SPIRE1: variants seen among roughly 807,000 people sequenced by gnomAD.
The protein encoded by SPIRE1 is spire type actin nucleation factor 1, also known as protein spire homolog 1.
In SPIRE1, 40 loss-of-function variants were observed where a neutral mutation model predicts 94.1. That is an observed-to-expected ratio of 0.43 (90% CI 0.33 to 0.55). The LOEUF is 0.55. Ranked by LOEUF, SPIRE1 falls within the 20% of genes least tolerant of loss-of-function variation. The pLI is 0.06. For synonymous variants in SPIRE1, 376 were observed against 371.7 expected (o/e 1.01, Z -0.13); for missense variants, 838 against 975.2 (o/e 0.86, Z 1.87).
intron 6 of SPIRE1, among the ~76,000 whole-genome samples, chr18:12,503,668 A>G (rs1257189715): frequency 2.6e-5 from 3 of 116,770 alleles, no homozygotes; most frequent in Non-Finnish European, 3.8e-5. Flanking sequence ...AAATACTGGA[A>G]GCTTTGAGAG....
At chr18:12,554,419 C>T (rs2035442875) in intron 2 of SPIRE1, among the ~76,000 whole-genome samples, 2 of 151,784 alleles carry the variant, frequency 1.3e-5, no homozygotes, top group South Asian at 4.1e-4. Flanking sequence ...TTCTTAGACA[C>T]ATACAACCTA....
chr18:12,587,153 T>C (rs1473209261), intron 2 of SPIRE1, among the ~76,000 whole-genome samples: 2 of 152,196 alleles, frequency 1.3e-5, no homozygotes, highest in African/African-American at 2.4e-5. Context: ...AATGAACAGG[T>C]AGAGCCACTA....
intron 2 of SPIRE1, among the ~76,000 whole-genome samples, chr18:12,627,692 A>G (rs541466287): frequency 1.9e-4 from 29 of 152,242 alleles, no homozygotes; most frequent in Non-Finnish European, 3.1e-4. Flanking sequence ...AAGCGTTCCT[A>G]TTTCTCCACA....
At chr18:12,572,834 G>A (rs2035991117) in intron 2 of SPIRE1, among the ~76,000 whole-genome samples, 1 of 152,146 alleles carries the variant, frequency 6.6e-6, no homozygotes, top group African/African-American at 2.4e-5. Context: ...ATATGAACAA[G>A]TAAAAATATG....
chr18:12,601,641 G>A (rs1206327202), intron 2 of SPIRE1, among the ~76,000 whole-genome samples: 1 of 152,008 alleles, frequency 6.6e-6, no homozygotes, highest in Non-Finnish European at 1.5e-5. Flanking sequence ...CTCCTCTTCT[G>A]ACCCCCAGCT....
chr18:12,530,280 A>G (rs1010982508), intron 4 of SPIRE1, among the ~76,000 whole-genome samples: 2 of 152,252 alleles, frequency 1.3e-5, no homozygotes, highest in African/African-American at 4.8e-5. Context: ...TGTTGAATAA[A>G]TAGAACAAAA....
intron 10 of SPIRE1, among the ~76,000 whole-genome samples, chr18:12,477,892 C>T (rs906068377): frequency 2.6e-5 from 4 of 151,936 alleles, no homozygotes; most frequent in African/African-American, 7.3e-5. Context: ...TGTCTGCAGG[C>T]GTGTGATCAG....
At chr18:12,535,937 A>G (rs1286269369) in intron 3 of SPIRE1, among the ~76,000 whole-genome samples, 1 of 152,222 alleles carries the variant, frequency 6.6e-6, no homozygotes, top group Non-Finnish European at 1.5e-5. Flanking sequence ...CATGGGTGAC[A>G]GAGTGAGACT....
chr18:12,586,040 T>C (rs1449978948), intron 2 of SPIRE1, among the ~76,000 whole-genome samples: 2 of 152,184 alleles, frequency 1.3e-5, no homozygotes, highest in African/African-American at 4.8e-5. Context: ...AACCTCAAAC[T>C]CCTGGGCTCA....
chr18:12,478,386 G>A (rs927309737), intron 10 of SPIRE1, among the ~76,000 whole-genome samples: 2 of 151,454 alleles, frequency 1.3e-5, no homozygotes, highest in African/African-American at 4.9e-5. Flanking sequence ...GAGTGTGTGT[G>A]TGCGCATGTG....
chr18:12,558,828 C>A (rs2035598267), intron 2 of SPIRE1, among the ~76,000 whole-genome samples: 2 of 152,054 alleles, frequency 1.3e-5, no homozygotes, highest in Non-Finnish European at 1.5e-5. Context: ...TCTCCAAGTC[C>A]CCACCAGATT....
chr18:12,592,483 T>TA (rs1454458982), intron 2 of SPIRE1, among the ~76,000 whole-genome samples: 1 of 152,148 alleles, frequency 6.6e-6, no homozygotes, highest in African/African-American at 2.4e-5. Context: ...CTTTGTTTTA[T>TA]AAAAAGGAAG....
chr18:12,608,773 A>G (rs2037057294), intron 2 of SPIRE1, among the ~76,000 whole-genome samples: 1 of 152,234 alleles, frequency 6.6e-6, no homozygotes, highest in African/African-American at 2.4e-5. Flanking sequence ...CTTTTGTTCT[A>G]CTTATTCTCT....
rs543564315 is a variant in SPIRE1 at position 12,572,013 on chromosome 18, A to G, written c.373-25109T>C. Among the ~76,000 whole-genome samples the G allele has an allele frequency of 2.3e-3, 358 of 152,384 alleles. 3 individuals carry two copies. The highest frequency in any genetic ancestry group is 0.014 in the South Asian group (69 of 4,832). On this transcript the variant is annotated intron_variant, in intron 2 of 16. Coordinates refer to ENST00000409402, the MANE Select transcript of SPIRE1 (RefSeq NM_001128626.2). ...CTCACTAAGAGAGTAAAGTTTAAAC[A>G]GACACCTGAAAGATCAGTAGGAGTT...
At chr18:12,597,412 T>A (rs766352022) in intron 2 of SPIRE1, among the ~76,000 whole-genome samples, 4 of 152,040 alleles carry the variant, frequency 2.6e-5, no homozygotes, top group Non-Finnish European at 4.4e-5. Flanking sequence ...TTATTCTGTG[T>A]GGGCAAGCAT....
At chr18:12,611,674 T>A (rs2037145220) in intron 2 of SPIRE1, among the ~76,000 whole-genome samples, 1 of 152,226 alleles carries the variant, frequency 6.6e-6, no homozygotes, top group Admixed American at 6.5e-5. Context: ...ACTTTGTTTT[T>A]GTTTTTTGAG....
At chr18:12,615,345 A>AAAAAAAAAAAATAT in intron 2 of SPIRE1, among the ~76,000 whole-genome samples, 12 of 17,236 alleles carry the variant, frequency 7.0e-4, no homozygotes, top group African/African-American at 9.5e-4. Flanking sequence ...AAAAAAAAAA[A>AAAAAAAAAAAATAT]ATATATATAT....
chr18:12,463,284 A>G (rs2031945460), intron 12 of SPIRE1, 67 bp downstream of exon 12: 4 of 1,410,808 alleles, frequency 2.8e-6, no homozygotes. Context: ...CATCTTCATA[A>G]GAAAGCTAAT....
intron 2 of SPIRE1, among the ~76,000 whole-genome samples, chr18:12,630,176 T>G (rs1222452904): frequency 2.6e-5 from 4 of 152,212 alleles, no homozygotes; most frequent in African/African-American, 9.6e-5. Flanking sequence ...TGTTCTCTAT[T>G]TCAATTCTAT....
Sources: gnomAD v4.1 joint callset for allele counts (sites outside exome capture counted in the v4.1 genomes callset) on GRCh38, gnomAD v4.1.1 for gene constraint, MANE v1.5 for transcripts, NCBI Gene and HGNC (gene_info 2026-07-23, HGNC 2026-07-21) for gene names.